BACE2: variants seen among roughly 807,000 people sequenced by gnomAD.
The protein encoded by BACE2 is 56 kDa aspartic-like protease.
BACE2 carries 17 observed loss-of-function variants against 46.2 expected under a neutral mutation model. The observed-to-expected ratio is 0.37, with a 90% CI of 0.25 to 0.55. The LOEUF (loss-of-function observed/expected upper bound fraction) is 0.55, where lower values mean the gene tolerates loss of function less well. Ranked by LOEUF, BACE2 falls within the 20% of genes least tolerant of loss-of-function variation. BACE2 has a pLI of 0.82. For synonymous variants in BACE2, 277 were observed against 295.9 expected, an observed-to-expected ratio of 0.94 and a Z score of 0.66; for missense variants, 595 against 698.1, an observed-to-expected ratio of 0.85 and a Z score of 1.66.
intron 1 of BACE2, among the ~76,000 whole-genome samples, chr21:41,220,565 A>G (rs557913886): frequency 6.6e-6 from 1 of 152,296 alleles, no homozygotes; most frequent in South Asian, 2.1e-4. Context: ...TCACATACGT[A>G]TTTCACAATC....
intron 8 of BACE2, 39 bp from the exon 9 acceptor site, chr21:41,275,332 C>G (rs1318061520): frequency 6.2e-7 from 1 of 1,612,174 alleles, no homozygotes; most frequent in Non-Finnish European, 8.5e-7. Context: ...GTGGACCGCT[C>G]ATTTCACAGC....
chr21:41,175,677 A>T (rs541275776), intron 1 of BACE2: 5 of 152,916 alleles, frequency 3.3e-5, no homozygotes, highest in African/African-American at 1.2e-4. Flanking sequence ...CCAGGATTTC[A>T]TGCCACGGGG....
intron 2 of BACE2, among the ~76,000 whole-genome samples, chr21:41,237,259 A>T (rs947898925): frequency 6.6e-6 from 1 of 152,146 alleles, no homozygotes; most frequent in African/African-American, 2.4e-5. Context: ...CATCCTGGCC[A>T]ACATGGTGAA....
chr21:41,217,081 G>A (rs1986491948), intron 1 of BACE2, among the ~76,000 whole-genome samples: 2 of 152,142 alleles, frequency 1.3e-5, no homozygotes, highest in African/African-American at 4.8e-5. Context: ...ACAGGTGTGT[G>A]CCACCACGCC....
chr21:41,221,827 CAAAA>C lies in BACE2; in HGVS notation c.313-4418_313-4415del, dbSNP rs58502168. ...TGGGTGACTGAGCGAGACTCTGTCTCAAAAAAAAAAAAAAAAAAAAAAAAGTGTC... is the reference window on the plus strand; with the variant it reads ...TGGGTGACTGAGCGAGACTCTGTCTCAAAAAAAAAAAAAAAAAAAAGTGTC... On this transcript the variant is annotated intron_variant, in intron 1 of 8. Transcript: ENST00000330333. Among the ~76,000 whole-genome samples the C allele has an allele frequency of 8.1e-3, 797 of 98,662 alleles. 6 individuals are homozygous for C. The highest frequency in any genetic ancestry group is 0.024 in the African/African-American group (770 of 31,816). The allele number at this position is 98,662 out of a possible 152,430, so 64.7% of individuals were successfully genotyped here. A position where few individuals can be genotyped will look rare whatever the true frequency, so the allele number is the denominator to read the frequency against.
At chr21:41,206,487 A>G (rs777775044) in intron 1 of BACE2, among the ~76,000 whole-genome samples, 10 of 152,264 alleles carry the variant, frequency 6.6e-5, no homozygotes, top group Non-Finnish European at 1.3e-4. Flanking sequence ...GGCACATGCT[A>G]TAACATGGAT....
intron 1 of BACE2, among the ~76,000 whole-genome samples, chr21:41,168,969 C>A (rs1256630115): frequency 2.7e-5 from 4 of 146,788 alleles, no homozygotes; most frequent in African/African-American, 7.5e-5. Context: ...AAAATCACCT[C>A]GTGTTCATAC....
rs540071511 is a variant in BACE2 at position 41,213,869 on chromosome 21, A to G, written c.313-12397A>G. 7.2e-5 allele frequency among the ~76,000 whole-genome samples: 11 copies of G among 152,240 alleles called. No homozygotes were observed. In the South Asian group the frequency reaches 2.1e-3, roughly 29 times the overall value. ...ACAGTTCTAAAGGATTCTTCCTGAA[A>G]AATCCTTTAGAATCAAATTGCTCCA... On this transcript the variant is annotated intron_variant, in intron 1 of 8. Transcript: ENST00000330333.
chr21:41,224,324 C>G (rs539466738), intron 1 of BACE2, among the ~76,000 whole-genome samples: 2 of 146,422 alleles, frequency 1.4e-5, no homozygotes, highest in South Asian at 4.4e-4. Flanking sequence ...AAGCAATTCT[C>G]CTGCCTCAGC....
intron 8 of BACE2, among the ~76,000 whole-genome samples, chr21:41,268,772 T>C (rs2088404170): frequency 6.6e-6 from 1 of 152,004 alleles, no homozygotes; most frequent in African/African-American, 2.4e-5. Context: ...GTAATACATC[T>C]ACATTGAAGA....
At chr21:41,253,117 T>C (rs772238900) in intron 7 of BACE2, among the ~76,000 whole-genome samples, 3 of 152,326 alleles carry the variant, frequency 2.0e-5, no homozygotes, top group Admixed American at 6.5e-5. Flanking sequence ...TACAATGCTA[T>C]GTTTTCAGCA....
At chr21:41,220,563 G>A (rs923927070) in intron 1 of BACE2, among the ~76,000 whole-genome samples, 3 of 152,238 alleles carry the variant, frequency 2.0e-5, no homozygotes, top group Admixed American at 1.3e-4. Flanking sequence ...AATCACATAC[G>A]TATTTCACAA....
intron 4 of BACE2, 25 bp from the exon 5 acceptor site, chr21:41,243,351 T>C (rs765795534): frequency 3.2e-6 from 5 of 1,566,266 alleles, no homozygotes; most frequent in South Asian, 2.5e-5. Flanking sequence ...TTTTCTCTTA[T>C]ACCTGTAAAT....
intron 8 of BACE2, among the ~76,000 whole-genome samples, chr21:41,272,157 C>T (rs1243045836): frequency 6.6e-6 from 1 of 152,062 alleles, no homozygotes; most frequent in East Asian, 1.9e-4. Flanking sequence ...TTCTAGTTTG[C>T]ATTGCTTCCA....
At chr21:41,228,696 G>A (rs1265686518) in intron 2 of BACE2, among the ~76,000 whole-genome samples, 2 of 152,166 alleles carry the variant, frequency 1.3e-5, no homozygotes, top group Non-Finnish European at 2.9e-5. Flanking sequence ...ACCTCACTAC[G>A]CAAACACTTT....
intron 1 of BACE2, among the ~76,000 whole-genome samples, chr21:41,199,591 G>A (rs908005441): frequency 6.6e-6 from 1 of 152,146 alleles, no homozygotes; most frequent in Non-Finnish European, 1.5e-5. Context: ...AGGGAGGCGA[G>A]CTTCCTAGAG....
chr21:41,185,679 C>G (rs1985344039), intron 1 of BACE2, among the ~76,000 whole-genome samples: 1 of 152,190 alleles, frequency 6.6e-6, no homozygotes, highest in African/African-American at 2.4e-5. Context: ...TGGAGGGTGG[C>G]CTATAATACC....
intron 1 of BACE2, among the ~76,000 whole-genome samples, chr21:41,204,524 A>G (rs1986064637): frequency 6.6e-6 from 1 of 152,200 alleles, no homozygotes; most frequent in Non-Finnish European, 1.5e-5. Context: ...AGCTAGGACC[A>G]TGGGTGGTAC....
At chr21:41,231,011 A>G (rs1282777023) in intron 2 of BACE2, among the ~76,000 whole-genome samples, 39 of 152,198 alleles carry the variant, frequency 2.6e-4, no homozygotes, top group Non-Finnish European at 5.9e-5. Flanking sequence ...CTTCTGTACT[A>G]TATCCGGGTT....
Sources: allele counts gnomAD v4.1 joint callset (sites outside exome capture counted in the v4.1 genomes callset), GRCh38; gene constraint gnomAD v4.1.1; transcripts MANE v1.5; gene names NCBI Gene and HGNC (gene_info 2026-07-23, HGNC 2026-07-21).